LDB2: variants seen among roughly 807,000 people sequenced by gnomAD.
The protein encoded by LDB2 is LIM domain-binding protein 2.
LDB2 carries 12 observed loss-of-function variants against 44.3 expected under a neutral mutation model. The observed-to-expected ratio is 0.27, with a 90% CI of 0.17 to 0.44. The LOEUF (loss-of-function observed/expected upper bound fraction) is 0.44. Among genes scored for constraint, LDB2 ranks in the 20% least tolerant of loss-of-function variants. The pLI is 1.00. For synonymous variants in LDB2, 164 were observed against 174.8 expected, an observed-to-expected ratio of 0.94 and a Z score of 0.49; for missense variants, 344 against 473.5, an observed-to-expected ratio of 0.73 and a Z score of 2.54.
rs528380228 is a variant in LDB2 at position 16,645,640 on chromosome 4, C to T, written c.236-49765G>A. On this transcript the variant is annotated intron_variant, in intron 2 of 7. Coordinates refer to ENST00000304523, the MANE Select transcript of LDB2 (RefSeq NM_001290.5). ...TACCTACTTACACTCAAAGAAAACC[C>T]GAGAGAAATAAGCAACAGGAGGTAA... Among the ~76,000 whole-genome samples, 4 of 151,794 alleles carry T rather than the reference C, an allele frequency of 2.6e-5. No individual in the cohort carries two copies. The South Asian group carries it at 6.3e-4, about 24-fold the overall frequency.
At chr4:16,748,215 G>A (rs1001412992) in intron 2 of LDB2, among the ~76,000 whole-genome samples, 1 of 152,198 alleles carries the variant, frequency 6.6e-6, no homozygotes, top group Middle Eastern at 3.4e-3. Context: ...AAGTTCTCCT[G>A]ACTTGTTGAA....
chr4:16,540,798 A>G (rs1733495421), intron 5 of LDB2, among the ~76,000 whole-genome samples: 1 of 152,174 alleles, frequency 6.6e-6, no homozygotes, highest in African/African-American at 2.4e-5. Flanking sequence ...TTTAGAAATG[A>G]TATCATTTCA....
At chr4:16,663,337 T>C (rs1252827772) in intron 2 of LDB2, among the ~76,000 whole-genome samples, 3 of 152,106 alleles carry the variant, frequency 2.0e-5, no homozygotes, top group Non-Finnish European at 4.4e-5. Context: ...TGGTGTAAAT[T>C]CTCCCACCAT....
intron 1 of LDB2, among the ~76,000 whole-genome samples, chr4:16,841,082 C>A (rs1396503890): frequency 1.3e-5 from 2 of 152,124 alleles, no homozygotes; most frequent in Non-Finnish European, 2.9e-5. Flanking sequence ...TTGGGTACAC[C>A]ACATATGCCC....
chr4:16,503,095 C>A (rs964439906), intron 7 of LDB2: 1 of 1,536,740 alleles, frequency 6.5e-7, no homozygotes, highest in East Asian at 2.4e-5. Flanking sequence ...GTCCTTAGTG[C>A]GCAGCCTGAC....
At chr4:16,857,921 C>G (rs565299981) in intron 1 of LDB2, among the ~76,000 whole-genome samples, 76 of 152,196 alleles carry the variant, frequency 5.0e-4, no homozygotes, top group Admixed American at 9.2e-4. Context: ...TCCCTCCCTC[C>G]CCTCAGCCCA....
intron 1 of LDB2, among the ~76,000 whole-genome samples, chr4:16,863,803 G>A (rs991196342): frequency 1.3e-5 from 2 of 151,966 alleles, no homozygotes; most frequent in African/African-American, 4.8e-5. Context: ...TGCGATTACA[G>A]GCACCCGCCA....
intron 1 of LDB2, among the ~76,000 whole-genome samples, chr4:16,775,615 C>T (rs978764754): frequency 2.6e-5 from 4 of 152,154 alleles, no homozygotes; most frequent in Non-Finnish European, 5.9e-5. Context: ...TCCCTATTCT[C>T]AGGAAATGCA....
At chr4:16,661,572 G>A (rs1277380003) in intron 2 of LDB2, among the ~76,000 whole-genome samples, 1 of 152,158 alleles carries the variant, frequency 6.6e-6, no homozygotes, top group Non-Finnish European at 1.5e-5. Context: ...ATACAGAACA[G>A]TGTTTGGTAC....
At chr4:16,814,678 C>T (rs207688) in intron 1 of LDB2, among the ~76,000 whole-genome samples, 126,013 of 152,140 alleles carry the variant, frequency 0.83, 52,640 homozygotes, top group Non-Finnish European at 0.89. Context: ...TTTCAATTGC[C>T]AGCTGCTATG....
chr4:16,572,331 T>G (rs1746852592), intron 5 of LDB2, among the ~76,000 whole-genome samples: 1 of 152,182 alleles, frequency 6.6e-6, no homozygotes, highest in Admixed American at 6.5e-5. Context: ...CCCTCGGCTT[T>G]CCCTTAGACT....
intron 5 of LDB2, among the ~76,000 whole-genome samples, chr4:16,581,995 AGGAAG>A (rs780097375): frequency 0.063 from 4,361 of 68,898 alleles, 72 homozygotes; most frequent in Middle Eastern, 0.12. Flanking sequence ...AAGGAAGGGA[AGGAAG>A]GGAAGGAAGG....
At chr4:16,741,673 C>A (rs78330116) in intron 2 of LDB2, 1 of 152,128 alleles carries the variant, frequency 6.6e-6, no homozygotes, top group Non-Finnish European at 1.5e-5. Context: ...TTTTTTTCAT[C>A]CTTTATTATA....
intron 2 of LDB2, chr4:16,674,164 C>A (rs1193262350): frequency 9.3e-7 from 1 of 1,072,824 alleles, no homozygotes; most frequent in Non-Finnish European, 1.3e-6. Flanking sequence ...AGAATTCACG[C>A]CTTAAAACAA....
chr4:16,696,426 A>G (rs1752139807), intron 2 of LDB2, among the ~76,000 whole-genome samples: 1 of 152,228 alleles, frequency 6.6e-6, no homozygotes, highest in South Asian at 2.1e-4. Flanking sequence ...TGCCATTTAC[A>G]TTCAGAACAT....
chr4:16,838,124 A>C (rs1785218627), intron 1 of LDB2, among the ~76,000 whole-genome samples: 1 of 152,220 alleles, frequency 6.6e-6, no homozygotes, highest in Non-Finnish European at 1.5e-5. Context: ...ATGAACAGCA[A>C]AGCTATTTAG....
chr4:16,794,669 A>G (rs1370169100), intron 1 of LDB2, among the ~76,000 whole-genome samples: 2 of 152,226 alleles, frequency 1.3e-5, no homozygotes, highest in African/African-American at 4.8e-5. Flanking sequence ...TTTAAAGAGC[A>G]TAACACACTA....
At chr4:16,806,867 C>T (rs762857075) in intron 1 of LDB2, among the ~76,000 whole-genome samples, 6 of 152,180 alleles carry the variant, frequency 3.9e-5, no homozygotes, top group Non-Finnish European at 8.8e-5. Context: ...ATTTTCTCAT[C>T]TACACAATAG....
intron 1 of LDB2, among the ~76,000 whole-genome samples, chr4:16,875,924 T>G (rs939752276): frequency 2.0e-5 from 3 of 152,170 alleles, no homozygotes; most frequent in Middle Eastern, 3.2e-3. Flanking sequence ...GAACCCTGGA[T>G]AGCAGGCATT....
Sources: allele counts gnomAD v4.1 joint callset (sites outside exome capture counted in the v4.1 genomes callset), GRCh38; gene constraint gnomAD v4.1.1; transcripts MANE v1.5; gene names NCBI Gene and HGNC (gene_info 2026-07-23, HGNC 2026-07-21).